Variants in CHST8 observed in about 807,000 individuals in gnomAD.
CHST8 encodes GALNAC-4-ST1.
Under a neutral mutation model 15.0 loss-of-function variants are expected in CHST8, and 10 were observed. That is an observed-to-expected ratio of 0.67 (90% CI 0.41 to 1.13). The LOEUF is 1.13. CHST8 is among the 50% of genes most tolerant of loss of function. The probability of loss-of-function intolerance (pLI) is 0.00; values close to 1 mark genes in which losing one functional copy is unlikely to be tolerated. For missense variants in CHST8, 634 were observed against 608.2 expected (o/e 1.04, Z -0.45); for synonymous variants, 259 against 256.6 (o/e 1.01, Z -0.09).
chr19:33,745,623 A>G (rs1974300828), intron 3 of CHST8, among the ~76,000 whole-genome samples: 1 of 152,182 alleles, frequency 6.6e-6, no homozygotes, highest in Non-Finnish European at 1.5e-5. Flanking sequence ...CCTCTGATCA[A>G]CACCTGTAAG....
At chr19:33,663,920 A>G (rs1228305426) in intron 1 of CHST8, among the ~76,000 whole-genome samples, 1 of 152,218 alleles carries the variant, frequency 6.6e-6, no homozygotes, top group East Asian at 1.9e-4. Flanking sequence ...GTCCATATGC[A>G]CTGCTGGGAA....
At chr19:33,638,409 C>A (rs372669094) in intron 1 of CHST8, among the ~76,000 whole-genome samples, 1 of 152,124 alleles carries the variant, frequency 6.6e-6, no homozygotes, top group Non-Finnish European at 1.5e-5. Flanking sequence ...AATTTGATCT[C>A]GGGCAAATGT....
intron 2 of CHST8, among the ~76,000 whole-genome samples, chr19:33,680,192 G>A (rs573615575): frequency 2.0e-5 from 3 of 152,326 alleles, no homozygotes; most frequent in South Asian, 4.2e-4. Flanking sequence ...TACTTCAAAA[G>A]GTTATTGTGT....
At chr19:33,660,775 A>G (rs1245993441) in intron 1 of CHST8, among the ~76,000 whole-genome samples, 1 of 152,244 alleles carries the variant, frequency 6.6e-6, no homozygotes, top group Non-Finnish European at 1.5e-5. Flanking sequence ...AAATGCATAT[A>G]AATACGGTTG....
At position 33,757,478 on chromosome 19, in the gene CHST8, GAA is replaced by G. The variant is rs58913278; in HGVS notation, c.131-13933_131-13932del. Among the ~76,000 whole-genome samples, 10 of 42,794 alleles carry G rather than the reference GAA, an allele frequency of 2.3e-4. 1 individual carries two copies. The highest frequency in any genetic ancestry group is 1.4e-3 in the South Asian group (2 of 1,406). The allele number at this position is 42,794 out of a possible 152,430, so 28.1% of individuals were successfully genotyped here. On this transcript the variant is annotated intron_variant, in intron 3 of 4. Transcript: ENST00000650847. ...AGAAAGAAAGAAAGAAAGAAAGAAA[GAA>G]AGAAAGAAAGAAAGAAAGAAAGAAA...
intron 3 of CHST8, among the ~76,000 whole-genome samples, chr19:33,754,287 A>G (rs1974501570): frequency 6.6e-6 from 1 of 150,702 alleles, no homozygotes; most frequent in African/African-American, 2.4e-5. Context: ...ATACCTGCTA[A>G]TGGACTGCTT....
intron 3 of CHST8, among the ~76,000 whole-genome samples, chr19:33,769,800 C>T (rs1282506560): frequency 6.6e-6 from 1 of 152,044 alleles, no homozygotes; most frequent in Non-Finnish European, 1.5e-5. Context: ...TTCAAAGATC[C>T]CCCACATGCA....
chr19:33,642,624 A>G (rs1445307867), intron 1 of CHST8, among the ~76,000 whole-genome samples: 1 of 152,174 alleles, frequency 6.6e-6, no homozygotes, highest in African/African-American at 2.4e-5. Flanking sequence ...CAGCCTCCCA[A>G]AGTGCTGGGA....
intron 3 of CHST8, among the ~76,000 whole-genome samples, chr19:33,762,310 G>A (rs947636244): frequency 4.6e-5 from 7 of 152,318 alleles, no homozygotes; most frequent in Middle Eastern, 3.4e-3. Flanking sequence ...TAGATGTGGC[G>A]CAGGCGGGAC....
intron 3 of CHST8, among the ~76,000 whole-genome samples, chr19:33,740,809 T>C (rs1405774580): frequency 6.6e-6 from 1 of 152,186 alleles, no homozygotes; most frequent in East Asian, 1.9e-4. Context: ...CTTATCGGCA[T>C]CTTGTGGGGG....
At chr19:33,637,872 AAAAAG>A (rs1432104605) in intron 1 of CHST8, among the ~76,000 whole-genome samples, 110 of 150,710 alleles carry the variant, frequency 7.3e-4, no homozygotes, top group Non-Finnish European at 1.4e-3. Flanking sequence ...AAAAAAAAAA[AAAAAG>A]AAAGGTCCCA....
At chr19:33,703,071 G>A (rs747542780) in intron 3 of CHST8, among the ~76,000 whole-genome samples, 2 of 152,144 alleles carry the variant, frequency 1.3e-5, no homozygotes, top group African/African-American at 4.8e-5. Flanking sequence ...CAAGCCTCCC[G>A]CACAGCCCAG....
intron 1 of CHST8, among the ~76,000 whole-genome samples, chr19:33,658,573 C>T (rs1312418749): frequency 6.6e-6 from 1 of 152,170 alleles, no homozygotes; most frequent in Non-Finnish European, 1.5e-5. Context: ...TTTCCCGTAG[C>T]ACTTTATAAA....
chr19:33,737,881 T>A (rs548911618), intron 3 of CHST8, among the ~76,000 whole-genome samples: 1 of 152,288 alleles, frequency 6.6e-6, no homozygotes, highest in African/African-American at 2.4e-5. Context: ...GACTCACTGT[T>A]ATCTCCAAGC....
chr19:33,755,043 A>T (rs1476566260), intron 3 of CHST8, among the ~76,000 whole-genome samples: 1 of 152,196 alleles, frequency 6.6e-6, no homozygotes, highest in Non-Finnish European at 1.5e-5. Context: ...TTGCGGATGC[A>T]GCAGAGCTAA....
intron 1 of CHST8, among the ~76,000 whole-genome samples, chr19:33,627,209 T>C (rs1375983816): frequency 6.6e-6 from 1 of 151,148 alleles, no homozygotes; most frequent in East Asian, 1.9e-4. Flanking sequence ...CAAGCAGTCC[T>C]CCCACCTCAG....
At chr19:33,726,537 C>CAATAATAAT (rs372932705) in intron 3 of CHST8, among the ~76,000 whole-genome samples, 2 of 151,712 alleles carry the variant, frequency 1.3e-5, no homozygotes, top group African/African-American at 4.8e-5. Context: ...GACCCTGTCT[C>CAATAATAAT]AATAATAATA....
chr19:33,744,956 C>G (rs1568352437), intron 3 of CHST8, among the ~76,000 whole-genome samples: 1 of 152,100 alleles, frequency 6.6e-6, no homozygotes, highest in Non-Finnish European at 1.5e-5. Flanking sequence ...ACCGTGTTGG[C>G]CAGGGTGGTC....
At chr19:33,745,453 C>G (rs1411392168) in intron 3 of CHST8, among the ~76,000 whole-genome samples, 1 of 152,274 alleles carries the variant, frequency 6.6e-6, no homozygotes. Context: ...ACCACCAATG[C>G]TGGGGACCTC....
Sources: allele counts gnomAD v4.1 joint callset (sites outside exome capture counted in the v4.1 genomes callset), GRCh38; gene constraint gnomAD v4.1.1; transcripts MANE v1.5; gene names NCBI Gene and HGNC (gene_info 2026-07-23, HGNC 2026-07-21).